The following CYTH2 variants were observed in gnomAD, a reference collection of about 807,000 sequenced individuals.
The protein encoded by CYTH2 is cytohesin-2.
A neutral mutation model predicts 55.4 loss-of-function variants in CYTH2; 24 were observed. The ratio of observed to expected loss-of-function variants is 0.43; its 90% CI spans 0.31 to 0.61. The LOEUF (loss-of-function observed/expected upper bound fraction) is 0.61. CYTH2 is among the 20% of genes least tolerant of loss of function. The probability of loss-of-function intolerance (pLI) is 0.08; values close to 1 mark genes in which losing one functional copy is unlikely to be tolerated. For synonymous variants in CYTH2, 221 were observed against 209.6 expected, an observed-to-expected ratio of 1.05 and a Z score of -0.47; for missense variants, 378 against 533.5, an observed-to-expected ratio of 0.71 and a Z score of 2.87.
intron 8 of CYTH2, chr19:48,476,930 C>T (rs902273203): frequency 6.6e-6 from 1 of 152,264 alleles, no homozygotes; most frequent in African/African-American, 2.4e-5. Context: ...TCCCATTTCC[C>T]AGAGGCTCAC....
rs1264700263 is a variant in CYTH2, at chr19:48,479,623, TC to T, written c.*414del. ...GGGACAGAGTTTAGAATGCAGGGAT[TC>T]AGGGTCAAGGTCTAGCATTCATTCT... On this transcript the variant is annotated 3_prime_UTR_variant, in exon 12 of 12. Transcript: ENST00000452733. The T allele has an allele frequency of 5.1e-6, 1 of 194,968 alleles. No homozygotes were observed. Among genetic ancestry groups the T allele is most frequent in the Admixed American group, 5.3e-5 (1 of 19,012 alleles). The allele number at this position is 194,968 out of a possible 1,614,324, so 12.1% of individuals were successfully genotyped here. A position where few individuals can be genotyped will look rare whatever the true frequency, so the allele number is the denominator to read the frequency against.
chr19:48,479,068 G>A (rs1389033733), intron 11 of CYTH2, 55 bp from the exon 12 acceptor site: 1 of 1,573,226 alleles, frequency 6.4e-7, no homozygotes, highest in Non-Finnish European at 8.7e-7. Context: ...GAGGGAGGAG[G>A]GGCTGGAGGC....
chr19:48,469,652 C>T, intron 1 of CYTH2, 126 bp downstream of exon 1: 2 of 1,349,834 alleles, frequency 1.5e-6, no homozygotes, highest in East Asian at 2.8e-5. Flanking sequence ...AGACTTGTCG[C>T]GCCGCTTTTG....
In CYTH2 at chr19:48,474,620, C is replaced by T. The variant is rs997533055; in HGVS notation, c.697-218C>T. 3.3e-5 allele frequency among the ~76,000 whole-genome samples: 5 copies of T among 152,096 alleles called. No homozygotes were observed. The highest frequency in any genetic ancestry group is 4.8e-5 in the African/African-American group (2 of 41,392). On this transcript the variant is annotated intron_variant, in intron 7 of 11. Transcript: ENST00000452733. This position sits in a 1 kb window ranked among gnomAD's most constrained non-coding sequence, Gnocchi z 4.9. ...CCCCATCTGTCTGTTTCTCTGAGGA[C>T]GTAGCCGGCTCCTCCACCTATCACC...
chr19:48,472,471 G>GCGCCCCCCCCCC, intron 4 of CYTH2, 28 bp downstream of exon 4: 1 of 1,584,682 alleles, frequency 6.3e-7, no homozygotes, highest in East Asian at 2.3e-5. Context: ...CTCCTGTGGG[G>GCGCCCCCCCCCC]CCCCTCCCTC....
chr19:48,472,646 G>A (rs1381978032), intron 4 of CYTH2: 3 of 622,710 alleles, frequency 4.8e-6, no homozygotes, highest in South Asian at 1.7e-5. Context: ...GAGCATCTGG[G>A]GATGTGGGGC....
chr19:48,473,731 A>T, intron 5 of CYTH2, 174 bp from the exon 6 acceptor site: 1 of 617,674 alleles, frequency 1.6e-6, no homozygotes, highest in East Asian at 2.8e-5. Flanking sequence ...GGGATTCACA[A>T]CACTCCCGTG....
intron 1 of CYTH2, chr19:48,469,741 T>G (rs1601018071): frequency 2.7e-5 from 16 of 590,146 alleles, no homozygotes; most frequent in East Asian, 2.1e-4. Context: ...CTGTTTCCGG[T>G]GGCGGCGGGA....
chr19:48,474,635 C>T lies in CYTH2; in HGVS notation c.697-203C>T, dbSNP rs1034489280. 6.6e-6 allele frequency among the ~76,000 whole-genome samples: 1 copy of T among 152,080 alleles called. No homozygotes were observed. Among genetic ancestry groups the T allele is most frequent in the African/African-American group, 2.4e-5 (1 of 41,406 alleles). ...TCTCTGAGGACGTAGCCGGCTCCTCCACCTATCACCAGGGCATCTCTTCTT... is the reference window on the plus strand; with the variant it reads ...TCTCTGAGGACGTAGCCGGCTCCTCTACCTATCACCAGGGCATCTCTTCTT... On this transcript the variant is annotated intron_variant, in intron 7 of 11. Transcript: ENST00000452733. This position sits in a 1 kb window ranked among gnomAD's most constrained non-coding sequence, Gnocchi z 4.9.
chr19:48,481,483 T>C lies in CYTH2; in HGVS notation c.*2273T>C, dbSNP rs1690613280. 8.4e-6 allele frequency: 1 copy of C among 119,212 alleles called. No homozygotes were observed. Among genetic ancestry groups the C allele is most frequent in the African/African-American group, 3.3e-5 (1 of 30,698 alleles). 7.4% of individuals were successfully genotyped at this position (119,212 alleles called of 1,614,324 possible). ...AAGCTCCCAGCACGCTTCTGATTTT[T>C]TTTGTAGGTTTTTTTTTTTGTTTTT... On this transcript the variant is annotated 3_prime_UTR_variant, in exon 12 of 12. Coordinates refer to ENST00000452733, the MANE Select transcript of CYTH2 (RefSeq NM_004228.7).
At chr19:48,477,850 CA>C (rs1299210140) in intron 8 of CYTH2, 1 of 556,144 alleles carries the variant, frequency 1.8e-6, no homozygotes, top group Non-Finnish European at 3.2e-6. Context: ...CTGGGACTGA[CA>C]GACTCAGAAA....
At position 48,479,400 on chromosome 19, in the gene CYTH2, C is replaced by A; in HGVS notation, c.*190C>A. The A allele has an allele frequency of 1.6e-6, 1 of 606,670 alleles. No individual in the cohort carries two copies. Among genetic ancestry groups the A allele is most frequent in the Non-Finnish European group, 2.9e-6 (1 of 349,076 alleles). The allele number at this position is 606,670 out of a possible 1,614,324, so 37.6% of individuals were successfully genotyped here. A position where few individuals can be genotyped will look rare whatever the true frequency, so the allele number is the denominator to read the frequency against. ...ATTTAACCACTTGGCCTGCTGACCCCCTCATTTCTTGGGGTTGACAGAGTC... is the reference window on the plus strand; with the variant it reads ...ATTTAACCACTTGGCCTGCTGACCCACTCATTTCTTGGGGTTGACAGAGTC... On this transcript the variant is annotated 3_prime_UTR_variant, in exon 12 of 12. Coordinates refer to ENST00000452733, the MANE Select transcript of CYTH2 (RefSeq NM_004228.7).
At chr19:48,471,016 G>T (rs1312709169) in intron 3 of CYTH2, among the ~76,000 whole-genome samples, 1 of 152,174 alleles carries the variant, frequency 6.6e-6, no homozygotes, top group African/African-American at 2.4e-5. Flanking sequence ...AAGGTGCCGT[G>T]ACGGAGGAAG....
At position 48,473,349 on chromosome 19, in the gene CYTH2, C is replaced by T. The variant is rs752086768; in HGVS notation, c.405C>T (p.Phe135=). ...VLHAFVDLHE[F]TDLNLVQALR... is the part of the protein sequence containing the mutation. ...ATGCTTTTGTGGATCTGCATGAGTT[C>T]ACCGACCTCAATCTGGTGCAGGCCC... The change falls in exon 5 of 12, where the codon TTC becomes TTT. Residue 135 remains phenylalanine, a synonymous_variant. Coordinates refer to ENST00000452733, the MANE Select transcript of CYTH2 (RefSeq NM_004228.7). 98 of 1,614,006 alleles carry T rather than the reference C, an allele frequency of 6.1e-5. No homozygotes were observed. The highest frequency in any genetic ancestry group is 7.9e-5 in the Non-Finnish European group (93 of 1,179,994).
At chr19:48,471,287 G>A (rs1291941672) in intron 3 of CYTH2, among the ~76,000 whole-genome samples, 1 of 151,462 alleles carries the variant, frequency 6.6e-6, no homozygotes, top group Non-Finnish European at 1.5e-5. Context: ...AAGTAGCTGG[G>A]CTTACAGGCT....
chr19:48,469,757 G>A (rs1482422264), intron 1 of CYTH2: 10 of 694,740 alleles, frequency 1.4e-5, no homozygotes, highest in Middle Eastern at 4.1e-4. Flanking sequence ...CGGGAGGGGC[G>A]GGATGGAGTG....
chr19:48,475,993 A>G (rs766438757), intron 8 of CYTH2: 3 of 519,220 alleles, frequency 5.8e-6, no homozygotes, highest in South Asian at 2.8e-5. Context: ...CTTTCAGCTC[A>G]GTGAAGGGAG....
Position 48,470,622 on chromosome 19 carries a change from C to T in CYTH2, c.187C>T (p.Arg63Trp). Residue 63 changes from arginine (R) to tryptophan (W), a missense_variant, in exon 3 of 12, where the codon CGG (arginine) becomes TGG (tryptophan). Arg to Trp is a moderately radical substitution (Grantham distance 101). Transcript: ENST00000452733. ...NEGSKTLQRNRKMAMGRKKFN... is the reference protein window; with the variant it reads ...NEGSKTLQRNWKMAMGRKKFN... ...CTGCAGTAAGACCTTGCAACGGAAC[C>T]GGAAGATGGCAATGGGCAGGAAGAA... The T allele has an allele frequency of 3.7e-6, 6 of 1,614,220 alleles. No individual in the cohort carries two copies. The highest frequency in any genetic ancestry group is 2.2e-5 in the East Asian group (1 of 44,884).
chr19:48,474,694 G>C lies in CYTH2; in HGVS notation c.697-144G>C. On this transcript the variant is annotated intron_variant, in intron 7 of 11. Coordinates refer to ENST00000452733, the MANE Select transcript of CYTH2 (RefSeq NM_004228.7). The surrounding 1 kb of genome is among the most constrained non-coding windows in gnomAD (Gnocchi z 4.9). Reference sequence around the variant, plus strand: ...CACCTCAGCCTCCCTCCACTTCTCTGCCTTTCACTTCCCTCTCCTCCCCAC... The same window carrying C: ...CACCTCAGCCTCCCTCCACTTCTCTCCCTTTCACTTCCCTCTCCTCCCCAC... 1.4e-6 allele frequency: 1 copy of C among 699,468 alleles called. No homozygotes were observed. The highest frequency in any genetic ancestry group is 2.5e-6 in the Non-Finnish European group (1 of 408,162). The allele number at this position is 699,468 out of a possible 1,614,324, so 43.3% of individuals were successfully genotyped here.
Sources: gnomAD v4.1 joint callset for allele counts (sites outside exome capture counted in the v4.1 genomes callset) on GRCh38, gnomAD v4.1.1 for gene constraint, Gnocchi (gnomAD v3.1) non-coding constraint, MANE v1.5 for transcripts, NCBI Gene and HGNC (gene_info 2026-07-23, HGNC 2026-07-21) for gene names.